Variants in USH2A observed in about 807,000 individuals in gnomAD.
The protein encoded by USH2A is usherin.
A neutral mutation model predicts 538.9 loss-of-function variants in USH2A; 443 were observed. That is an observed-to-expected ratio of 0.82 (90% CI 0.76 to 0.89). The LOEUF is 0.89. USH2A is among the 40% of genes least tolerant of loss of function. The probability of loss-of-function intolerance (pLI) is 0.00; values close to 1 mark genes in which losing one functional copy is unlikely to be tolerated. For missense variants in USH2A, 6,633 were observed against 6,324.8 expected (o/e 1.05, Z -1.65); for synonymous variants, 2,413 against 2,273.5 (o/e 1.06, Z -1.75).
At chr1:216,051,783 G>T (rs2030792445) in intron 30 of USH2A, among the ~76,000 whole-genome samples, 1 of 152,162 alleles carries the variant, frequency 6.6e-6, no homozygotes, top group African/African-American at 2.4e-5. Flanking sequence ...AAGATGTGTT[G>T]TACATTCAGG....
chr1:216,218,410 A>G (rs1442747457), intron 14 of USH2A, among the ~76,000 whole-genome samples: 2 of 152,156 alleles, frequency 1.3e-5, no homozygotes, highest in Admixed American at 1.3e-4. Flanking sequence ...GAAGCAAAAC[A>G]GCACATGTAA....
intron 21 of USH2A, among the ~76,000 whole-genome samples, chr1:216,164,631 A>G (rs1462940846): frequency 6.6e-6 from 1 of 152,178 alleles, no homozygotes; most frequent in Non-Finnish European, 1.5e-5. Context: ...GTATGCTTCT[A>G]GTGGAAGAAG....
intron 32 of USH2A, among the ~76,000 whole-genome samples, chr1:216,039,854 T>C (rs1048869775): frequency 3.9e-5 from 6 of 152,054 alleles, no homozygotes; most frequent in African/African-American, 1.4e-4. Flanking sequence ...TGAGCATTTC[T>C]ATTTTGCTAT....
At chr1:216,094,238 G>A (rs2032384176) in intron 22 of USH2A, among the ~76,000 whole-genome samples, 1 of 151,934 alleles carries the variant, frequency 6.6e-6, no homozygotes, top group South Asian at 2.1e-4. Context: ...TTTTAACCTT[G>A]TTAATTTGGA....
chr1:215,625,914 A>G (rs950673257), intron 71 of USH2A, 44 bp from the exon 72 acceptor site: 10 of 1,550,188 alleles, frequency 6.5e-6, no homozygotes, highest in East Asian at 2.2e-5. Context: ...CTTGCTATCA[A>G]TAGTATTTGC....
intron 32 of USH2A, among the ~76,000 whole-genome samples, chr1:216,024,374 AG>A (rs1668914087): frequency 6.6e-6 from 1 of 152,094 alleles, no homozygotes; most frequent in African/African-American, 2.4e-5. Context: ...ACATAAAACA[AG>A]TGGCCATACC....
intron 61 of USH2A, among the ~76,000 whole-genome samples, chr1:215,712,342 T>G (rs530838049): frequency 6.6e-6 from 1 of 152,360 alleles, no homozygotes; most frequent in Non-Finnish European, 1.5e-5. Context: ...TGATTTGTTC[T>G]TTCCCTCAAG....
At chr1:216,320,137 C>G (rs2037578535) in intron 9 of USH2A, among the ~76,000 whole-genome samples, 1 of 152,042 alleles carries the variant, frequency 6.6e-6, no homozygotes. Flanking sequence ...TGGAGGTGAG[C>G]CTGGTGGGAG....
At chr1:216,338,183 C>T (rs1287355694) in intron 4 of USH2A, among the ~76,000 whole-genome samples, 2 of 151,194 alleles carry the variant, frequency 1.3e-5, no homozygotes, top group African/African-American at 2.4e-5. Flanking sequence ...GGAGTAAGAC[C>T]TAACAATAGC....
At chr1:215,839,740 T>G (rs763151203) in intron 46 of USH2A, among the ~76,000 whole-genome samples, 11 of 152,220 alleles carry the variant, frequency 7.2e-5, no homozygotes, top group Non-Finnish European at 1.3e-4. Flanking sequence ...AAAACGATAT[T>G]GTATAACATG....
At chr1:215,653,153 G>A (rs902645453) in intron 64 of USH2A, among the ~76,000 whole-genome samples, 4 of 152,116 alleles carry the variant, frequency 2.6e-5, no homozygotes, top group Admixed American at 6.5e-5. Flanking sequence ...TGGTAGTGTC[G>A]TAGATTGTAC....
At chr1:215,956,656 C>A (rs1667075858) in intron 37 of USH2A, among the ~76,000 whole-genome samples, 1 of 152,092 alleles carries the variant, frequency 6.6e-6, no homozygotes, top group Admixed American at 6.6e-5. Context: ...CCCATGGTTA[C>A]AATTTCCATT....
At chr1:215,879,807 G>C (rs12093880) in intron 41 of USH2A, among the ~76,000 whole-genome samples, 6,198 of 152,176 alleles carry the variant, frequency 0.041, 424 homozygotes, top group African/African-American at 0.14. Flanking sequence ...TTCTTTTCTG[G>C]CTAAACTCTA....
intron 61 of USH2A, among the ~76,000 whole-genome samples, chr1:215,715,306 A>G (rs1659451912): frequency 1.3e-5 from 2 of 152,232 alleles, no homozygotes; most frequent in South Asian, 4.1e-4. Context: ...TGATGTCATC[A>G]TCAAGGAAGA....
chr1:216,083,605 G>A lies in USH2A; in HGVS notation c.5168-19C>T, dbSNP rs554691432. 1.9e-6 allele frequency: 3 copies of A among 1,610,084 alleles called. No individual in the cohort carries two copies. The highest frequency in any genetic ancestry group is 2.2e-5 in the South Asian group (2 of 90,772). On this transcript the variant is annotated intron_variant, in intron 25 of 71. Coordinates refer to ENST00000307340, the MANE Select transcript of USH2A (RefSeq NM_206933.4). ...AGGAACCCTTTAAAGATAAAAATAT[G>A]TACATATTAGCATGTGTAACACAAT...
chr1:216,146,901 C>T (rs1022136689), intron 21 of USH2A, among the ~76,000 whole-genome samples: 1 of 152,232 alleles, frequency 6.6e-6, no homozygotes, highest in Non-Finnish European at 1.5e-5. Flanking sequence ...AACCTAAATG[C>T]CTTATTTTCT....
Position 216,092,060 on chromosome 1 carries a change from A to G in USH2A, c.4759-2921T>C, listed in dbSNP as rs141956341. Among the ~76,000 whole-genome samples the G allele has an allele frequency of 5.5e-4, 84 of 152,320 alleles. No homozygotes were observed. In the East Asian group the frequency reaches 0.016, roughly 28 times the overall value. On this transcript the variant is annotated intron_variant, in intron 22 of 71. Coordinates refer to ENST00000307340, the MANE Select transcript of USH2A (RefSeq NM_206933.4). ...CAAAATAAAAAAAAATAAAACAAAC[A>G]TCACAAAATATCTGTGTAATCATTA...
intron 21 of USH2A, among the ~76,000 whole-genome samples, chr1:216,123,868 G>T (rs1307988100): frequency 6.6e-6 from 1 of 152,116 alleles, no homozygotes; most frequent in Admixed American, 6.5e-5. Flanking sequence ...GACATGACTT[G>T]TACTGAATAG....
chr1:216,325,210 G>T, intron 6 of USH2A, 95 bp downstream of exon 6: 1 of 1,329,994 alleles, frequency 7.5e-7, no homozygotes, highest in Non-Finnish European at 1.1e-6. Flanking sequence ...AGAACTGTTA[G>T]GGAATATATT....
Sources: allele counts gnomAD v4.1 joint callset (sites outside exome capture counted in the v4.1 genomes callset), GRCh38; gene constraint gnomAD v4.1.1; transcripts MANE v1.5; gene names NCBI Gene and HGNC (gene_info 2026-07-23, HGNC 2026-07-21).